The following CHIC2 variants were observed in gnomAD, a reference collection of about 807,000 sequenced individuals.
CHIC2 encodes the protein cysteine rich hydrophobic domain 2.
CHIC2 carries 14 observed loss-of-function variants against 25.9 expected under a neutral mutation model. That is an observed-to-expected ratio of 0.54 (90% CI 0.36 to 0.85). The LOEUF (loss-of-function observed/expected upper bound fraction) is 0.85. Ranked by LOEUF, CHIC2 falls within the 40% of genes least tolerant of loss-of-function variation. The probability of loss-of-function intolerance (pLI) is 0.01; values close to 1 mark genes in which losing one functional copy is unlikely to be tolerated. For missense variants in CHIC2, 146 were observed against 202.0 expected, an observed-to-expected ratio of 0.72 and a Z score of 1.68; for synonymous variants, 70 against 72.0, an observed-to-expected ratio of 0.97 and a Z score of 0.14.
chr4:54,024,580 T>G (rs1191087903), intron 3 of CHIC2, among the ~76,000 whole-genome samples: 1 of 152,134 alleles, frequency 6.6e-6, no homozygotes. Context: ...GGCCCTGACT[T>G]ACTCACTGCT....
chr4:54,061,337 T>C (rs1271621192), intron 1 of CHIC2: 5 of 152,028 alleles, frequency 3.3e-5, no homozygotes, highest in African/African-American at 7.2e-5. Flanking sequence ...TACTGTAATA[T>C]ATTAAAGTAG....
chr4:54,030,532 A>AT (rs1436290314), intron 3 of CHIC2, among the ~76,000 whole-genome samples: 5 of 131,976 alleles, frequency 3.8e-5, no homozygotes, highest in African/African-American at 9.3e-5. Flanking sequence ...AGAAAAAAAA[A>AT]AAAAAATATA....
At chr4:54,045,270 A>C (rs1269351027) in intron 3 of CHIC2, among the ~76,000 whole-genome samples, 3 of 152,236 alleles carry the variant, frequency 2.0e-5, no homozygotes, top group Non-Finnish European at 4.4e-5. Flanking sequence ...ATCAATAGAA[A>C]AACAAGGAAT....
Position 54,013,894 on chromosome 4 carries a change from C to T in CHIC2, c.390G>A (p.Leu130=). The change falls in exon 5 of 6, where the codon CTG becomes CTA. Residue 130 remains leucine, a splice_region_variant and synonymous_variant. Coordinates refer to ENST00000263921, the MANE Select transcript of CHIC2 (RefSeq NM_012110.4). ...EWENNRLYHK[L]CLHWRLSKRK... ...TTTTGCTCAGTCTCCAATGCAAGCA[C>T]AGCTAGACAAGTAGGAAAGTAAAAG... 2 of 1,613,360 alleles carry T rather than the reference C, an allele frequency of 1.2e-6. No individual in the cohort carries two copies. Among genetic ancestry groups the T allele is most frequent in the Non-Finnish European group, 1.7e-6 (2 of 1,179,464 alleles).
chr4:54,075,729 T>A, the CHIC2 span, among the ~76,000 whole-genome samples: 1 of 152,016 alleles, frequency 6.6e-6, no homozygotes. Flanking sequence ...AATTTTTGTA[T>A]TTTTAGTAGA....
At chr4:54,070,525 C>T in the CHIC2 span, among the ~76,000 whole-genome samples, 11 of 152,086 alleles carry the variant, frequency 7.2e-5, no homozygotes, top group Non-Finnish European at 1.0e-4. Flanking sequence ...CGGATTCAAG[C>T]GATTCTCCTG....
the CHIC2 span, among the ~76,000 whole-genome samples, chr4:54,074,436 T>C: frequency 1.6e-4 from 25 of 152,168 alleles, no homozygotes; most frequent in African/African-American, 5.1e-4. Context: ...AGATTTTCTG[T>C]AGTTCTTTGC....
chr4:54,072,486 T>C, the CHIC2 span, among the ~76,000 whole-genome samples: 5 of 152,262 alleles, frequency 3.3e-5, no homozygotes, highest in African/African-American at 9.6e-5. Flanking sequence ...TTCAAAACCA[T>C]GTACCAGTCT....
chr4:54,056,582 TA>T (rs1717183112), intron 1 of CHIC2, among the ~76,000 whole-genome samples: 1 of 152,116 alleles, frequency 6.6e-6, no homozygotes, highest in Non-Finnish European at 1.5e-5. Context: ...TCAAAGAGAA[TA>T]AAACAAGAAG....
At chr4:54,064,709 G>A (rs1428688363), upstream of CHIC2, 1 of 984,146 alleles carries the variant, frequency 1.0e-6, no homozygotes, top group African/African-American at 1.7e-5. The surrounding 1 kb of genome is among the most constrained non-coding windows in gnomAD (Gnocchi z 4.2). Context: ...GCGTGGGCGA[G>A]CGGACTGGCT....
upstream of CHIC2, among the ~76,000 whole-genome samples, chr4:54,065,569 GAGTCTACTTAGCTGCCT>G (rs756216073): frequency 1.4e-4 from 22 of 152,324 alleles, no homozygotes; most frequent in Middle Eastern, 3.4e-3. Context: ...AGGTTTAATG[GAGTCTACTTAGCTGCCT>G]AGTAACAGTT....
chr4:54,028,717 T>C (rs914511956), intron 3 of CHIC2, among the ~76,000 whole-genome samples: 2 of 152,244 alleles, frequency 1.3e-5, no homozygotes, highest in Non-Finnish European at 2.9e-5. Context: ...TCAACACATA[T>C]TTTCCATTTT....
At chr4:54,041,078 G>A (rs1157064432) in intron 3 of CHIC2, among the ~76,000 whole-genome samples, 1 of 150,924 alleles carries the variant, frequency 6.6e-6, no homozygotes, top group Non-Finnish European at 1.5e-5. Flanking sequence ...CACCATGCCA[G>A]CTAATTTTTA....
chr4:54,044,592 A>G (rs1409087090), intron 3 of CHIC2, among the ~76,000 whole-genome samples: 1 of 152,086 alleles, frequency 6.6e-6, no homozygotes, highest in East Asian at 1.9e-4. Flanking sequence ...ATGTCCTTTG[A>G]AACCAATGAG....
upstream of CHIC2, among the ~76,000 whole-genome samples, chr4:54,067,681 T>C (rs1413912681): frequency 6.6e-6 from 1 of 152,144 alleles, no homozygotes; most frequent in African/African-American, 2.4e-5. Context: ...ACCAAATGGC[T>C]CAAAACCAAA....
chr4:54,023,297 C>G (rs1715960335), intron 3 of CHIC2, among the ~76,000 whole-genome samples: 1 of 152,204 alleles, frequency 6.6e-6, no homozygotes, highest in South Asian at 2.1e-4. Flanking sequence ...CGTGCAGAGG[C>G]TGCCGCCGCT....
In CHIC2 at chr4:54,010,160, G is replaced by A. The variant is rs1378324868; in HGVS notation, c.448-15C>T. On this transcript the variant is annotated splice_polypyrimidine_tract_variant and intron_variant, in intron 5 of 5. Transcript: ENST00000263921. ...ATGAGGATGACCTGTAAAAGGAGAA[G>A]AAAAAGGTTTTAAAAGATTTAAACA... 6.3e-7 allele frequency: 1 copy of A among 1,583,842 alleles called. No homozygotes were observed. Among genetic ancestry groups the A allele is most frequent in the Admixed American group, 1.8e-5 (1 of 56,530 alleles).
chr4:54,049,172 G>A (rs1362773723), intron 2 of CHIC2, 62 bp from the exon 3 acceptor site: 2 of 1,564,182 alleles, frequency 1.3e-6, no homozygotes, highest in Non-Finnish European at 1.7e-6. Flanking sequence ...CATGACTGAT[G>A]AGCATACTTT....
At chr4:54,084,078 G>A in the CHIC2 span, among the ~76,000 whole-genome samples, 1 of 152,146 alleles carries the variant, frequency 6.6e-6, no homozygotes, top group East Asian at 1.9e-4. Flanking sequence ...CAGGAAGAAA[G>A]AACAGATCTC....
Sources: gnomAD v4.1 joint callset for allele counts (sites outside exome capture counted in the v4.1 genomes callset) on GRCh38, gnomAD v4.1.1 for gene constraint, Gnocchi (gnomAD v3.1) non-coding constraint, MANE v1.5 for transcripts, NCBI Gene and HGNC (gene_info 2026-07-23, HGNC 2026-07-21) for gene names.